The following EVL variants were observed in gnomAD, a reference collection of about 807,000 sequenced individuals.
The protein encoded by EVL is ena/VASP-like protein.
A neutral mutation model predicts 59.6 loss-of-function variants in EVL; 21 were observed. That is an observed-to-expected ratio of 0.35 (90% CI 0.25 to 0.51). EVL has a LOEUF of 0.51. EVL is among the 20% of genes least tolerant of loss of function. The probability of loss-of-function intolerance (pLI) is 0.97; values close to 1 mark genes in which losing one functional copy is unlikely to be tolerated. For synonymous variants in EVL, 198 were observed against 203.5 expected (o/e 0.97, Z 0.23); for missense variants, 462 against 546.6 (o/e 0.85, Z 1.54).
At chr14:100,122,135 G>C (rs1185422952) in intron 3 of EVL, among the ~76,000 whole-genome samples, 1 of 152,216 alleles carries the variant, frequency 6.6e-6, no homozygotes, top group African/African-American at 2.4e-5. Context: ...AGGATGAGTG[G>C]CAGTCAGGGG....
In EVL at chr14:100,046,528, G is replaced by C. The variant is rs554081765; in HGVS notation, c.6-38159G>C. Among the ~76,000 whole-genome samples the C allele has an allele frequency of 2.6e-5, 4 of 152,050 alleles. No individual in the cohort carries two copies. In the East Asian group the frequency reaches 7.8e-4, roughly 30 times the overall value. ...AAAAAAATACAAAAATCAGCTGCAC[G>C]TGTTGGCGCTTGCCTGTAATCCCAG... On this transcript the variant is annotated intron_variant, in intron 1 of 13. Coordinates refer to the EVL transcript ENST00000402714.
chr14:100,088,447 G>T (rs2062493839), intron 2 of EVL, among the ~76,000 whole-genome samples: 1 of 152,160 alleles, frequency 6.6e-6, no homozygotes, highest in African/African-American at 2.4e-5. Context: ...TCATGTGAGT[G>T]TGCTCACACA....
chr14:100,044,125 T>G (rs1336845046), intron 1 of EVL, among the ~76,000 whole-genome samples: 1 of 152,210 alleles, frequency 6.6e-6, no homozygotes, highest in Non-Finnish European at 1.5e-5. Context: ...TCCGGTCAAG[T>G]TGACATCTAA....
chr14:99,974,657 G>A (rs1413611798), intron 1 of EVL: 2 of 152,530 alleles, frequency 1.3e-5, no homozygotes, highest in African/African-American at 4.8e-5. Flanking sequence ...ACCTTGCAAG[G>A]AATGCCGTGG....
At chr14:100,093,970 C>T (rs1243906581) in intron 2 of EVL, among the ~76,000 whole-genome samples, 1 of 152,182 alleles carries the variant, frequency 6.6e-6, no homozygotes, top group Non-Finnish European at 1.5e-5. Flanking sequence ...TAATCTCTGA[C>T]TATGGCTAAT....
chr14:100,107,356 G>A (rs1886635677), intron 3 of EVL: 1 of 398,376 alleles, frequency 2.5e-6, no homozygotes, highest in South Asian at 1.3e-4. Flanking sequence ...GGTGTAGAAG[G>A]CAGATAGTCT....
At chr14:100,077,835 C>T (rs1394097926) in intron 1 of EVL, among the ~76,000 whole-genome samples, 1 of 152,152 alleles carries the variant, frequency 6.6e-6, no homozygotes, top group Non-Finnish European at 1.5e-5. Context: ...TGCAATGGCG[C>T]AATCTCGGCT....
chr14:99,975,263 TTC>T (rs2060762548), intron 1 of EVL: 1 of 152,308 alleles, frequency 6.6e-6, no homozygotes, highest in African/African-American at 2.4e-5. Flanking sequence ...AGTAGTCTTT[TTC>T]TCTGGCTGTT....
intron 1 of EVL, among the ~76,000 whole-genome samples, chr14:100,081,847 C>T (rs1287623986): frequency 6.6e-6 from 1 of 152,216 alleles, no homozygotes; most frequent in Admixed American, 6.5e-5. Context: ...CGCCTGTAAT[C>T]CCAGCACTTT....
rs151181382 is a variant in EVL, at chr14:100,030,429, A to G, written c.6-54258A>G. The stretch of plus-strand genomic sequence containing the variant: ...GATTACCTCTATAAAGCATTTAGAT[A>G]CTCAATAAATTAATTCTTTTAATTT... On this transcript the variant is annotated intron_variant, in intron 1 of 13. Transcript: ENST00000402714. Among the ~76,000 whole-genome samples, 17 of 152,268 alleles carry G rather than the reference A, an allele frequency of 1.1e-4. No homozygotes were observed. The East Asian group carries it at 2.3e-3, about 21-fold the overall frequency.
intron 1 of EVL, among the ~76,000 whole-genome samples, chr14:100,045,376 C>A (rs1463764811): frequency 6.6e-6 from 1 of 152,220 alleles, no homozygotes; most frequent in Non-Finnish European, 1.5e-5. Flanking sequence ...TATCAGATAT[C>A]TGAGTGTCTT....
chr14:100,011,398 T>C (rs1295326844), intron 1 of EVL, among the ~76,000 whole-genome samples: 1 of 152,220 alleles, frequency 6.6e-6, no homozygotes, highest in Non-Finnish European at 1.5e-5. Flanking sequence ...AGAAATTAAA[T>C]GATTCCTGTT....
rs78558060 is a variant in EVL at position 100,081,000 on chromosome 14, G to A, written c.12-3687G>A. ...TCAAATTTCCTTATAGCTAGGCACG[G>A]TGGCTCATGCCAGTAATCCCAGCAC... On this transcript the variant is annotated intron_variant, in intron 1 of 13. Coordinates refer to ENST00000392920, the MANE Select transcript of EVL (RefSeq NM_016337.3). Among the ~76,000 whole-genome samples the A allele has an allele frequency of 9.5e-3, 1,445 of 152,230 alleles. 18 individuals are homozygous for A. The highest frequency in any genetic ancestry group is 0.033 in the African/African-American group (1,357 of 41,512).
At chr14:99,981,079 A>T (rs1280689546) in intron 1 of EVL, among the ~76,000 whole-genome samples, 1 of 152,068 alleles carries the variant, frequency 6.6e-6, no homozygotes, top group Non-Finnish European at 1.5e-5. Context: ...TCTCAAAAAA[A>T]AAAAAAAGTG....
At chr14:100,062,835 T>C (rs1317470321), upstream of EVL, among the ~76,000 whole-genome samples, 2 of 152,228 alleles carry the variant, frequency 1.3e-5, no homozygotes, top group African/African-American at 2.4e-5. Context: ...GACTCATGCC[T>C]GTAATCCTAG....
upstream of EVL, among the ~76,000 whole-genome samples, chr14:100,061,794 T>A (rs2061839436): frequency 6.6e-6 from 1 of 152,098 alleles, no homozygotes; most frequent in South Asian, 2.1e-4. Context: ...AGAGAAAAAA[T>A]TTTATTAAAA....
At chr14:100,067,277 C>T (rs1001246125) in intron 1 of EVL, among the ~76,000 whole-genome samples, 2 of 152,114 alleles carry the variant, frequency 1.3e-5, no homozygotes, top group African/African-American at 4.8e-5. Context: ...GATACCGTGG[C>T]GCCTGTGGTG....
chr14:100,015,441 A>T (rs2061043021), intron 1 of EVL, among the ~76,000 whole-genome samples: 2 of 152,192 alleles, frequency 1.3e-5, no homozygotes, highest in Admixed American at 6.5e-5. Context: ...CGGGCAGCTC[A>T]CATGTCCAGT....
intron 1 of EVL, among the ~76,000 whole-genome samples, chr14:100,072,694 A>T (rs1055735251): frequency 6.6e-6 from 1 of 152,252 alleles, no homozygotes; most frequent in Non-Finnish European, 1.5e-5. Flanking sequence ...CAGGGGAAAG[A>T]CAGAGATAAC....
Sources: allele counts gnomAD v4.1 joint callset (sites outside exome capture counted in the v4.1 genomes callset), GRCh38; gene constraint gnomAD v4.1.1; transcripts MANE v1.5; gene names NCBI Gene and HGNC (gene_info 2026-07-23, HGNC 2026-07-21).